The following LNX1 variants were observed in gnomAD, a reference collection of about 807,000 sequenced individuals.
LNX1 encodes the protein E3 ubiquitin-protein ligase LNX.
Under a neutral mutation model 68.4 loss-of-function variants are expected in LNX1, and 54 were observed. That is an observed-to-expected ratio of 0.79 (90% CI 0.63 to 0.99). LNX1 has a LOEUF of 0.99. Among genes scored for constraint, LNX1 ranks in the 50% least tolerant of loss-of-function variants. The pLI is 0.00. For synonymous variants in LNX1, 336 were observed against 350.0 expected, an observed-to-expected ratio of 0.96 and a Z score of 0.45; for missense variants, 906 against 926.4, an observed-to-expected ratio of 0.98 and a Z score of 0.29.
intron 1 of LNX1, among the ~76,000 whole-genome samples, chr4:53,589,463 C>T (rs900490138): frequency 3.9e-5 from 6 of 152,228 alleles, no homozygotes; most frequent in South Asian, 2.1e-4. Flanking sequence ...TAGAGTCAGA[C>T]TCTCTCCTCC....
chr4:53,512,508 G>GTGTGTGTGTGTGTGTGTGTGTA (rs371399015), intron 2 of LNX1, among the ~76,000 whole-genome samples: 4 of 149,282 alleles, frequency 2.7e-5, no homozygotes, highest in African/African-American at 9.9e-5. Context: ...GTGTGTGTGT[G>GTGTGTGTGTGTGTGTGTGTGTA]TGTGTGTGTG....
At chr4:53,537,731 C>T (rs17082977) in intron 2 of LNX1, among the ~76,000 whole-genome samples, 14,102 of 152,216 alleles carry the variant, frequency 0.093, 621 homozygotes, top group East Asian at 0.11. Context: ...GGCTGTGCCC[C>T]GAGTTCCACA....
chr4:53,607,887 A>G lies in LNX1; in HGVS notation c.-215+8630T>C, dbSNP rs150836388. ...GGGGAAAGGACTCCCTATTCAAAAA[A>G]TGGTGCTGGGATAACTGGCTAGCCA... On this transcript the variant is annotated intron_variant, in intron 2 of 3. Transcript: ENST00000504299. 2.8e-3 allele frequency among the ~76,000 whole-genome samples: 433 copies of G among 152,342 alleles called. 3 individuals are homozygous for G. Among genetic ancestry groups the G allele is most frequent in the African/African-American group, 9.8e-3 (409 of 41,576 alleles).
chr4:53,517,030 G>A (rs1317812272), intron 2 of LNX1, among the ~76,000 whole-genome samples: 1 of 152,200 alleles, frequency 6.6e-6, no homozygotes, highest in Non-Finnish European at 1.5e-5. Context: ...AATATAGATA[G>A]CTTCCATGGG....
intron 9 of LNX1, among the ~76,000 whole-genome samples, chr4:53,468,301 T>C (rs1157273909): frequency 7.2e-5 from 11 of 152,166 alleles, no homozygotes; most frequent in African/African-American, 2.2e-4. Context: ...CTGAGAGATT[T>C]TGTCACCACC....
chr4:53,639,200 A>T (rs1734587370), intron 1 of LNX1, among the ~76,000 whole-genome samples: 1 of 152,224 alleles, frequency 6.6e-6, no homozygotes, highest in Admixed American at 6.5e-5. Flanking sequence ...ATGCAGCTGG[A>T]GGCCATTCTT....
chr4:53,465,024 A>C (rs1460441847), intron 9 of LNX1, among the ~76,000 whole-genome samples: 1 of 152,140 alleles, frequency 6.6e-6, no homozygotes, highest in Non-Finnish European at 1.5e-5. Flanking sequence ...CCTACTTGAT[A>C]ATTGTTATCA....
chr4:53,572,862 T>A (rs1214112135), intron 2 of LNX1, among the ~76,000 whole-genome samples: 1 of 152,178 alleles, frequency 6.6e-6, no homozygotes, highest in East Asian at 1.9e-4. Context: ...ACAAATTGCT[T>A]GGAAGACAAA....
At chr4:53,636,685 AC>A (rs1199313188) in intron 1 of LNX1, among the ~76,000 whole-genome samples, 1 of 152,102 alleles carries the variant, frequency 6.6e-6, no homozygotes, top group Non-Finnish European at 1.5e-5. Flanking sequence ...TGGCAATAGG[AC>A]AGCAGATAAA....
At chr4:53,615,443 A>G (rs893708357) in intron 2 of LNX1, among the ~76,000 whole-genome samples, 1 of 152,272 alleles carries the variant, frequency 6.6e-6, no homozygotes, top group South Asian at 2.1e-4. Flanking sequence ...TGAAACTGCC[A>G]TGCTGTAGAG....
chr4:53,467,849 C>T (rs985715862), intron 9 of LNX1, among the ~76,000 whole-genome samples: 3 of 152,124 alleles, frequency 2.0e-5, no homozygotes, highest in Admixed American at 1.3e-4. Context: ...TGTGAAAAGA[C>T]CAAATCTATG....
chr4:53,535,806 C>G (rs2109637242), intron 2 of LNX1, among the ~76,000 whole-genome samples: 1 of 152,290 alleles, frequency 6.6e-6, no homozygotes. Flanking sequence ...TGAATTACTT[C>G]TCATTCATCT....
chr4:53,476,308 A>G (rs764330061), intron 9 of LNX1, among the ~76,000 whole-genome samples: 2 of 152,148 alleles, frequency 1.3e-5, no homozygotes, highest in Non-Finnish European at 2.9e-5. Flanking sequence ...AAAATAAAAT[A>G]AAATAAAGCC....
intron 1 of LNX1, chr4:53,576,097 G>T (rs184787637): frequency 1.3e-6 from 2 of 1,551,812 alleles, no homozygotes; most frequent in East Asian, 2.4e-5. Context: ...CTTGGCCAGC[G>T]TGGTATTTGG....
intron 9 of LNX1, among the ~76,000 whole-genome samples, chr4:53,472,852 A>T (rs1025325847): frequency 1.3e-5 from 2 of 152,082 alleles, no homozygotes; most frequent in African/African-American, 2.4e-5. Flanking sequence ...TGTTCCAGAG[A>T]GTTGTTATAT....
chr4:53,536,289 C>T (rs1317794731), intron 2 of LNX1, among the ~76,000 whole-genome samples: 2 of 151,112 alleles, frequency 1.3e-5, no homozygotes, highest in Admixed American at 6.6e-5. Context: ...GTGCCCAAAG[C>T]CACCTACCTC....
chr4:53,565,004 C>A (rs899948533), intron 2 of LNX1, among the ~76,000 whole-genome samples: 1 of 152,168 alleles, frequency 6.6e-6, no homozygotes, highest in Non-Finnish European at 1.5e-5. Flanking sequence ...TCCTACCCCA[C>A]GGAGTCTCGC....
chr4:53,577,613 C>T (rs1486356556), intron 1 of LNX1, among the ~76,000 whole-genome samples: 1 of 152,036 alleles, frequency 6.6e-6, no homozygotes, highest in East Asian at 1.9e-4. Context: ...TGGGGTCATG[C>T]TATGTTGACC....
At chr4:53,587,441 A>T (rs1244589565) in intron 1 of LNX1, among the ~76,000 whole-genome samples, 1 of 152,234 alleles carries the variant, frequency 6.6e-6, no homozygotes, top group Non-Finnish European at 1.5e-5. Flanking sequence ...CTTTGGAGGC[A>T]TTGTCAGAGG....
Sources: gnomAD v4.1 joint callset for allele counts (sites outside exome capture counted in the v4.1 genomes callset) on GRCh38, gnomAD v4.1.1 for gene constraint, MANE v1.5 for transcripts, NCBI Gene and HGNC (gene_info 2026-07-23, HGNC 2026-07-21) for gene names.